Variants in RALGAPA1 observed in about 807,000 individuals in gnomAD.
RALGAPA1 encodes the protein Ral GTPase activating protein catalytic subunit alpha 1, also known as ral GTPase-activating protein subunit alpha-1.
A neutral mutation model predicts 269.6 loss-of-function variants in RALGAPA1; 52 were observed. That is an observed-to-expected ratio of 0.19 (90% confidence interval 0.15 to 0.24). The LOEUF (loss-of-function observed/expected upper bound fraction) is 0.24, where lower values mean the gene tolerates loss of function less well. RALGAPA1 is among the 10% of genes least tolerant of loss of function. RALGAPA1 has a pLI of 1.00. For missense variants in RALGAPA1, 1,917 were observed against 3,013.9 expected (o/e 0.64, Z 8.52); for synonymous variants, 817 against 1,008.3 (o/e 0.81, Z 3.60).
intron 12 of RALGAPA1, among the ~76,000 whole-genome samples, chr14:35,732,204 C>A (rs2141049437): frequency 6.6e-6 from 1 of 152,180 alleles, no homozygotes; most frequent in African/African-American, 2.4e-5. Context: ...TTTGCCAATA[C>A]CAAGCCACCA....
At chr14:35,556,962 A>G (rs1335618108) in intron 39 of RALGAPA1, among the ~76,000 whole-genome samples, 1 of 152,210 alleles carries the variant, frequency 6.6e-6, no homozygotes, top group Non-Finnish European at 1.5e-5. Context: ...GTGTAAATAC[A>G]TTTAAAAAGA....
intron 1 of RALGAPA1, among the ~76,000 whole-genome samples, chr14:35,784,959 G>A (rs2075697377): frequency 6.6e-6 from 1 of 152,148 alleles, no homozygotes; most frequent in South Asian, 2.1e-4. Context: ...GAAGTGGGAG[G>A]ATAGCTTGAG....
chr14:35,588,571 C>G (rs947394836), intron 37 of RALGAPA1, among the ~76,000 whole-genome samples: 1 of 151,938 alleles, frequency 6.6e-6, no homozygotes, highest in African/African-American at 2.4e-5. Context: ...GATGAGATAT[C>G]CTATTAGAAT....
At chr14:35,620,544 T>C (rs2060550185) in intron 35 of RALGAPA1, among the ~76,000 whole-genome samples, 8 of 152,130 alleles carry the variant, frequency 5.3e-5, no homozygotes, top group Admixed American at 5.2e-4. Flanking sequence ...ATAAAGGGTA[T>C]TCAATTAGGA....
chr14:35,637,130 A>G (rs536121974), intron 31 of RALGAPA1, among the ~76,000 whole-genome samples: 6 of 152,332 alleles, frequency 3.9e-5, no homozygotes, highest in Middle Eastern at 3.4e-3. Context: ...TGCGAAGACT[A>G]TGATAAATAC....
chr14:35,621,803 A>C (rs2060647900), intron 35 of RALGAPA1, among the ~76,000 whole-genome samples: 1 of 152,368 alleles, frequency 6.6e-6, no homozygotes, highest in African/African-American at 2.4e-5. Context: ...GCAAATCAAA[A>C]CCACAATGAG....
chr14:35,743,131 T>C (rs1249843200), intron 10 of RALGAPA1, among the ~76,000 whole-genome samples: 1 of 151,676 alleles, frequency 6.6e-6, no homozygotes, highest in African/African-American at 2.4e-5. Context: ...GGGGAGACCA[T>C]GCAAACTCCA....
At chr14:35,783,826 A>G (rs2075617974) in intron 1 of RALGAPA1, among the ~76,000 whole-genome samples, 1 of 152,218 alleles carries the variant, frequency 6.6e-6, no homozygotes, top group African/African-American at 2.4e-5. Context: ...TAACATCATT[A>G]GCCATCAGGG....
rs559979336 is a variant in RALGAPA1 at position 35,541,040 on chromosome 14, A to ATTTTTTTTT, written c.*24-1359_*24-1351dup. 4.5e-3 allele frequency among the ~76,000 whole-genome samples: 404 copies of ATTTTTTTTT among 89,136 alleles called. 76 individuals are homozygous for ATTTTTTTTT. The highest frequency in any genetic ancestry group is 0.016 in the African/African-American group (288 of 17,776). 58.5% of individuals were successfully genotyped at this position (89,136 alleles called of 152,430 possible). On this transcript the variant is annotated intron_variant, in intron 41 of 41. Coordinates refer to ENST00000680220, the MANE Select transcript of RALGAPA1 (RefSeq NM_001346249.2). Reference sequence around the variant, plus strand: ...GAATATGTCTTTGCAGAACACTTCAATTTTTTTTTTTTTTTTTTTTTTTTG... The same window carrying ATTTTTTTTT: ...GAATATGTCTTTGCAGAACACTTCAATTTTTTTTTTTTTTTTTTTTTTTTTTTTTTTTTG...
Position 35,740,834 on chromosome 14 carries a change from T to G in RALGAPA1, c.1449+1534A>C, listed in dbSNP as rs921107346. 4.6e-5 allele frequency among the ~76,000 whole-genome samples: 7 copies of G among 152,084 alleles called. 1 individual carries two copies. The highest frequency in any genetic ancestry group is 3.4e-3 in the Middle Eastern group (1 of 294). ...AAATAATAATAATAATAAATAAAAT[T>G]AAAAACCCATTTACAATTATCTGAA... On this transcript the variant is annotated intron_variant, in intron 11 of 41. Transcript: ENST00000680220.
rs192520315 is a variant in RALGAPA1 at position 35,774,808 on chromosome 14, C to G, written c.267+198G>C. Among the ~76,000 whole-genome samples the G allele has an allele frequency of 2.4e-3, 369 of 152,212 alleles. 2 individuals are homozygous for G. Among genetic ancestry groups the G allele is most frequent in the African/African-American group, 8.5e-3 (352 of 41,538 alleles). On this transcript the variant is annotated intron_variant, in intron 3 of 41. Coordinates refer to ENST00000680220, the MANE Select transcript of RALGAPA1 (RefSeq NM_001346249.2). ...CAAATGTATAAAAACATAATTATAT[C>G]TGTACCAAAAAGTAATACATTGTAC... is the stretch of plus-strand genomic sequence containing the variant.
intron 37 of RALGAPA1, among the ~76,000 whole-genome samples, chr14:35,574,660 A>G (rs565950574): frequency 2.0e-5 from 3 of 152,290 alleles, no homozygotes; most frequent in African/African-American, 7.2e-5. Context: ...ACACAAATTG[A>G]GAAATTGCTA....
In RALGAPA1 at chr14:35,775,754, TA is replaced by T. The variant is rs750802839; in HGVS notation, c.107-10del. ...AATAGATTCTGCATTCTCTGAAAAATAAAAAAAAATTACTGATTATTTACAT... is the reference window on the plus strand; with the variant it reads ...AATAGATTCTGCATTCTCTGAAAAATAAAAAAAATTACTGATTATTTACAT... On this transcript the variant is annotated splice_polypyrimidine_tract_variant and intron_variant, in intron 1 of 41. Transcript: ENST00000680220. 421 of 1,516,680 alleles carry T rather than the reference TA, an allele frequency of 2.8e-4. No individual in the cohort carries two copies. Among genetic ancestry groups the T allele is most frequent in the Admixed American group, 7.7e-4 (32 of 41,476 alleles). 94.0% of individuals were successfully genotyped at this position (1,516,680 alleles called of 1,614,324 possible).
Position 35,627,128 on chromosome 14 carries a change from C to A in RALGAPA1, c.6819G>T (p.Leu2273Phe), listed in dbSNP as rs2061045240. 1 of 1,562,214 alleles carries A rather than the reference C, an allele frequency of 6.4e-7. No individual in the cohort carries two copies. The highest frequency in any genetic ancestry group is 8.6e-7 in the Non-Finnish European group (1 of 1,160,616). ...AATTCATTCCCAATATACTAAGAAG[C>A]AATCTGCAATAATAAAATGCTGACT... ...KPQSAFYYCR[L>F]LLSILGMNSW... Residue 2273 changes from leucine to phenylalanine, a missense_variant, in exon 34 of 42, where the codon TTG becomes TTT. Transcript: ENST00000680220.
Position 35,688,878 on chromosome 14 carries a change from A to C in RALGAPA1, c.3533T>G (p.Leu1178Arg). The change falls in exon 18 of 42, where the codon CTG (leucine) becomes CGG (arginine). Residue 1178 changes from leucine to arginine, a missense_variant. By Grantham distance (102) the Leu-to-Arg change is moderately radical. Around this residue, in one of 11 missense-constraint regions of RALGAPA1, gnomAD observed 615 missense variants for 790.0 expected, o/e 0.78. Coordinates refer to ENST00000680220, the MANE Select transcript of RALGAPA1 (RefSeq NM_001346249.2). ...ENKEAPWKMR[L>R]RKLGGFSSGS... Reference sequence around the variant, plus strand: ...ACTACTAAAGCCACCGAGCTTCCGCAGTCTCATCTTCCATGGAGCCTCTTT... The same window carrying C: ...ACTACTAAAGCCACCGAGCTTCCGCCGTCTCATCTTCCATGGAGCCTCTTT... The C allele has an allele frequency of 1.6e-6, 2 of 1,280,264 alleles. No individual in the cohort carries two copies. The highest frequency in any genetic ancestry group is 2.0e-6 in the Non-Finnish European group (2 of 1,016,276). 79.3% of individuals were successfully genotyped at this position (1,280,264 alleles called of 1,614,324 possible).
At chr14:35,648,001 G>A (rs115488820) in intron 31 of RALGAPA1, among the ~76,000 whole-genome samples, 1,618 of 151,976 alleles carry the variant, frequency 0.011, 33 homozygotes, top group African/African-American at 0.037. Flanking sequence ...TTTGAGGCTG[G>A]GTGGGAAGGC....
At chr14:35,805,602 G>C (rs1327280223) in intron 1 of RALGAPA1, among the ~76,000 whole-genome samples, 1 of 151,756 alleles carries the variant, frequency 6.6e-6, no homozygotes, top group African/African-American at 2.4e-5. Context: ...GTACAACTGA[G>C]GTGGGAGAAA....
At position 35,627,965 on chromosome 14, in the gene RALGAPA1, A is replaced by G. The variant is rs773263300; in HGVS notation, c.5996-14T>C. 7.1e-6 allele frequency: 11 copies of G among 1,540,354 alleles called. No individual in the cohort carries two copies. The highest frequency in any genetic ancestry group is 6.4e-5 in the South Asian group (5 of 78,620). On this transcript the variant is annotated splice_polypyrimidine_tract_variant and intron_variant, in intron 33 of 41. Coordinates refer to ENST00000680220, the MANE Select transcript of RALGAPA1 (RefSeq NM_001346249.2). ...TTTGAGTTTTCACTGGAAATAAAAA[A>G]TATAAATGAATGGGAATATTGCTGC... is the stretch of plus-strand genomic sequence containing the variant.
rs1387587990 is a variant in RALGAPA1, at chr14:35,723,187, T to C, written c.1944A>G (p.Val648=). 3 of 1,613,642 alleles carry C rather than the reference T, an allele frequency of 1.9e-6. No individual in the cohort carries two copies. Among genetic ancestry groups the C allele is most frequent in the African/African-American group, 2.7e-5 (2 of 74,928 alleles). ...CTTCCCAATAGGTCAGCGATGACAA[T>C]ACTGACAGTAAGTCATCCCAAAGTT... The part of the protein sequence containing the change: ...SRELWDDLLS[V]LSSLTYWEEL... The change falls in exon 15 of 42, where the codon GTA becomes GTG. Residue 648 remains valine (V), a synonymous_variant. Coordinates refer to ENST00000680220, the MANE Select transcript of RALGAPA1 (RefSeq NM_001346249.2).
Sources: gnomAD v4.1 joint callset for allele counts (sites outside exome capture counted in the v4.1 genomes callset) on GRCh38, gnomAD v4.1.1 for gene constraint, gnomAD v4.1.1 regional missense constraint, MANE v1.5 for transcripts, NCBI Gene and HGNC (gene_info 2026-07-23, HGNC 2026-07-21) for gene names.